MACROD2: variants seen among roughly 807,000 people sequenced by gnomAD.
MACROD2 encodes mono-ADP ribosylhydrolase 2.
MACROD2 carries 36 observed loss-of-function variants against 70.4 expected under a neutral mutation model. That is an observed-to-expected ratio of 0.51 (90% CI 0.39 to 0.68). MACROD2 has a LOEUF of 0.68. Ranked by LOEUF, MACROD2 falls within the 30% of genes least tolerant of loss-of-function variation. The pLI is 0.00. For missense variants in MACROD2, 496 were observed against 538.4 expected (o/e 0.92, Z 0.78); for synonymous variants, 172 against 178.8 (o/e 0.96, Z 0.30).
intron 5 of MACROD2, among the ~76,000 whole-genome samples, chr20:14,978,820 G>A (rs2074767541): frequency 6.8e-6 from 1 of 147,446 alleles, no homozygotes; most frequent in Admixed American, 6.8e-5. Flanking sequence ...AACTATCCAA[G>A]TTGTCCCTGT....
chr20:15,334,441 G>A (rs1473358285), intron 6 of MACROD2, among the ~76,000 whole-genome samples: 4 of 151,680 alleles, frequency 2.6e-5, no homozygotes, highest in Non-Finnish European at 4.4e-5. Context: ...AGACAAGGTA[G>A]TTCTGACTCA....
intron 5 of MACROD2, among the ~76,000 whole-genome samples, chr20:15,166,891 A>ATTAAGTATTAATTTAAGTATTTAAT (rs1451375346): frequency 6.6e-6 from 1 of 150,468 alleles, no homozygotes; most frequent in Non-Finnish European, 1.5e-5. Context: ...AAATTTAAGT[A>ATTAAGTATTAATTTAAGTATTTAAT]TTAAGTATTA....
intron 6 of MACROD2, among the ~76,000 whole-genome samples, chr20:15,257,879 T>C (rs1443515273): frequency 6.6e-6 from 1 of 152,018 alleles, no homozygotes; most frequent in African/African-American, 2.4e-5. Context: ...AAGGCACTGT[T>C]ATCACAGGAG....
At chr20:14,832,700 A>G (rs1479209054) in intron 5 of MACROD2, among the ~76,000 whole-genome samples, 1 of 152,166 alleles carries the variant, frequency 6.6e-6, no homozygotes. Context: ...AACATTGTAA[A>G]AAATGTTGAG....
At chr20:14,973,913 G>A (rs575292829) in intron 5 of MACROD2, among the ~76,000 whole-genome samples, 26 of 152,272 alleles carry the variant, frequency 1.7e-4, no homozygotes, top group African/African-American at 6.0e-4. Context: ...GAAGTAAGAT[G>A]ACATAGAATA....
In MACROD2 at chr20:15,039,096, G is replaced by C. The variant is rs138543903; in HGVS notation, c.419-190844G>C. 4.1e-3 allele frequency among the ~76,000 whole-genome samples: 627 copies of C among 152,180 alleles called. 5 individuals carry two copies. The highest frequency in any genetic ancestry group is 0.015 in the African/African-American group (607 of 41,524). On this transcript the variant is annotated intron_variant, in intron 5 of 17. Coordinates refer to ENST00000684519, the MANE Select transcript of MACROD2 (RefSeq NM_001351661.2). ...AAATTTATTTAATAAAGTTTTATGT[G>C]ACCTGAGAGCTTTCAGACACAAAGA... is the stretch of plus-strand genomic sequence containing the variant.
At chr20:14,616,560 G>C (rs1205352362) in intron 4 of MACROD2, among the ~76,000 whole-genome samples, 2 of 152,042 alleles carry the variant, frequency 1.3e-5, no homozygotes, top group Non-Finnish European at 2.9e-5. Context: ...AATTTTGAGG[G>C]CCAGTATTTT....
intron 6 of MACROD2, among the ~76,000 whole-genome samples, chr20:15,235,424 G>C (rs1293261601): frequency 6.6e-6 from 1 of 152,128 alleles, no homozygotes; most frequent in Middle Eastern, 3.2e-3. Flanking sequence ...CTTCAATAGG[G>C]ATCCCTCAGA....
chr20:14,949,872 A>C (rs1203081954), intron 5 of MACROD2, among the ~76,000 whole-genome samples: 2 of 152,126 alleles, frequency 1.3e-5, no homozygotes, highest in Non-Finnish European at 2.9e-5. Context: ...TATTTTTATT[A>C]TTATTTCCAC....
chr20:15,057,631 T>A (rs2075497025), intron 5 of MACROD2, among the ~76,000 whole-genome samples: 3 of 152,188 alleles, frequency 2.0e-5, no homozygotes, highest in African/African-American at 7.2e-5. Flanking sequence ...ATATTATGCA[T>A]TGGGACATAG....
chr20:14,922,802 T>C (rs1336035469), intron 5 of MACROD2, among the ~76,000 whole-genome samples: 1 of 152,208 alleles, frequency 6.6e-6, no homozygotes, highest in Non-Finnish European at 1.5e-5. Context: ...GTCAGTGAGA[T>C]AATTTCCTTT....
intron 5 of MACROD2, among the ~76,000 whole-genome samples, chr20:15,033,260 G>A (rs2075289010): frequency 6.6e-6 from 1 of 152,182 alleles, no homozygotes; most frequent in African/African-American, 2.4e-5. Flanking sequence ...AAAAATGCAT[G>A]TCTTCATACT....
chr20:14,014,952 A>G lies in MACROD2; in HGVS notation c.163+12548A>G, dbSNP rs542940720. ...AGTAGTTGGGACTACAGGTGCACAC[A>G]ACCATGCCCAGCAAATTTTTTTTTT... is the stretch of plus-strand genomic sequence containing the variant. On this transcript the variant is annotated intron_variant, in intron 2 of 17. Transcript: ENST00000684519. Among the ~76,000 whole-genome samples, 3 of 145,946 alleles carry G rather than the reference A, an allele frequency of 2.1e-5. No homozygotes were observed. The Admixed American group carries it at 2.1e-4, about 10-fold the overall frequency.
chr20:14,129,389 C>A (rs2054691021), intron 3 of MACROD2, among the ~76,000 whole-genome samples: 1 of 152,190 alleles, frequency 6.6e-6, no homozygotes, highest in African/African-American at 2.4e-5. Flanking sequence ...TTATTTCAAT[C>A]TTGCAATAAA....
chr20:14,722,242 T>C (rs1411753080), intron 5 of MACROD2, among the ~76,000 whole-genome samples: 2 of 152,218 alleles, frequency 1.3e-5, no homozygotes, highest in Non-Finnish European at 1.5e-5. Flanking sequence ...CAGTGTCCAC[T>C]TTGGCCTCAG....
chr20:14,050,703 G>A (rs2053555072), intron 2 of MACROD2, among the ~76,000 whole-genome samples: 1 of 152,172 alleles, frequency 6.6e-6, no homozygotes, highest in South Asian at 2.1e-4. Flanking sequence ...ATTTCAGAGG[G>A]CAAGGTAGCT....
chr20:15,202,933 A>G (rs1294622037), intron 5 of MACROD2, among the ~76,000 whole-genome samples: 4 of 152,160 alleles, frequency 2.6e-5, no homozygotes, highest in African/African-American at 9.7e-5. Flanking sequence ...GGCATGGACT[A>G]CTGAAAAATG....
chr20:14,623,030 C>T (rs1235777031), intron 4 of MACROD2: 1 of 152,272 alleles, frequency 6.6e-6, no homozygotes, highest in Non-Finnish European at 1.5e-5. Flanking sequence ...GCCTGCCTCC[C>T]AGGGGCTAGC....
chr20:14,885,934 A>G lies in MACROD2; in HGVS notation c.418+200975A>G, dbSNP rs184940142. Among the ~76,000 whole-genome samples the G allele has an allele frequency of 2.4e-3, 371 of 152,320 alleles. 4 individuals carry two copies. The highest frequency in any genetic ancestry group is 3.4e-3 in the Middle Eastern group (1 of 294). On this transcript the variant is annotated intron_variant, in intron 5 of 17. Transcript: ENST00000684519. ...TCTACAATGTGCCAGGCACTGTTCC[A>G]GGCCCTGGAGATACTACAGTGAGCA...
Sources: gnomAD v4.1 joint callset for allele counts (sites outside exome capture counted in the v4.1 genomes callset) on GRCh38, gnomAD v4.1.1 for gene constraint, MANE v1.5 for transcripts, NCBI Gene and HGNC (gene_info 2026-07-23, HGNC 2026-07-21) for gene names.